Variants in IDO2 observed in about 807,000 individuals in gnomAD.
The protein encoded by IDO2 is indoleamine 2,3-dioxygenase-like 1 protein.
In IDO2, 46 loss-of-function variants were observed where a neutral mutation model predicts 45.1. The observed-to-expected ratio is 1.02, with a 90% confidence interval of 0.80 to 1.30. The LOEUF (loss-of-function observed/expected upper bound fraction) is 1.30. Among genes scored for constraint, IDO2 ranks in the 50% most tolerant of loss-of-function variants. The pLI is 0.00. For missense variants in IDO2, 544 were observed against 491.8 expected (o/e 1.11, Z -1.00); for synonymous variants, 218 against 184.9 (o/e 1.18, Z -1.45).
At chr8:39,953,405 A>G (rs1177048331) in intron 2 of IDO2, among the ~76,000 whole-genome samples, 1 of 152,274 alleles carries the variant, frequency 6.6e-6, no homozygotes, top group East Asian at 1.9e-4. Context: ...AATTGACCTC[A>G]GTACTTGAAA....
At chr8:39,939,383 C>A (rs1807608224) in intron 1 of IDO2, among the ~76,000 whole-genome samples, 1 of 151,186 alleles carries the variant, frequency 6.6e-6, no homozygotes, top group African/African-American at 2.4e-5. Flanking sequence ...CCTGTCTCTA[C>A]TAAAACCACA....
At chr8:40,008,306 A>G (rs985441126) in intron 9 of IDO2, among the ~76,000 whole-genome samples, 1 of 152,112 alleles carries the variant, frequency 6.6e-6, no homozygotes, top group Admixed American at 6.5e-5. Flanking sequence ...TCAGCCTCCC[A>G]AAGTGCTGAG....
rs749640983 is a variant in IDO2, at chr8:39,949,131, G to A, written c.-17-18G>A. The A allele has an allele frequency of 1.3e-6, 2 of 1,583,706 alleles. No homozygotes were observed. Among genetic ancestry groups the A allele is most frequent in the African/African-American group, 1.3e-5 (1 of 74,410 alleles). ...TTTATTAGGAACAATTGATTCTTCA[G>A]TGACACTTTCCATGCAGATACTTCA... On this transcript the variant is annotated intron_variant, in intron 1 of 10. Transcript: ENST00000502986.
chr8:39,954,175 C>T (rs1306412392), intron 2 of IDO2, among the ~76,000 whole-genome samples: 1 of 152,206 alleles, frequency 6.6e-6, no homozygotes, highest in Non-Finnish European at 1.5e-5. Flanking sequence ...CTCTCCACTC[C>T]TAGACATTAT....
intron 8 of IDO2, among the ~76,000 whole-genome samples, chr8:40,004,408 ATAGG>A (rs1428805865): frequency 6.6e-6 from 1 of 152,192 alleles, no homozygotes; most frequent in Non-Finnish European, 1.5e-5. Flanking sequence ...AAATAGGTAG[ATAGG>A]TAGATAGATG....
intron 5 of IDO2, chr8:39,985,231 A>C (rs1004545522): frequency 2.1e-6 from 1 of 484,818 alleles, no homozygotes; most frequent in East Asian, 3.6e-5. Context: ...GCCCAGCCTA[A>C]TAATATATTA....
exon 11 of IDO2, chr8:40,015,257 G>A (rs757782327): frequency 6.3e-7 from 1 of 1,599,864 alleles, no homozygotes; most frequent in Non-Finnish European, 8.5e-7. Context: ...GTGACTTTCT[G>A]TACAGAATGA....
At chr8:39,963,533 T>C (rs987117281) in intron 2 of IDO2, 75 bp from the exon 3 acceptor site, 22 of 801,512 alleles carry the variant, frequency 2.7e-5, no homozygotes, top group Non-Finnish European at 3.8e-5. Flanking sequence ...AAGACTGAAA[T>C]GTGAAAATAG....
At chr8:39,952,912 G>C (rs771059130) in intron 2 of IDO2, among the ~76,000 whole-genome samples, 16 of 152,040 alleles carry the variant, frequency 1.1e-4, no homozygotes, top group Admixed American at 3.9e-4. Context: ...GGGATTACAG[G>C]CATGAGCCAC....
At chr8:39,947,745 T>C (rs571290768) in intron 1 of IDO2, among the ~76,000 whole-genome samples, 11 of 151,986 alleles carry the variant, frequency 7.2e-5, no homozygotes, top group Admixed American at 5.3e-4. Flanking sequence ...GAAGTAAAAA[T>C]GGCCTTACTA....
chr8:39,989,930 G>C lies in IDO2; in HGVS notation c.667+92G>C, dbSNP rs544086626. 27 of 735,610 alleles carry C rather than the reference G, an allele frequency of 3.7e-5. No individual in the cohort carries two copies. In the East Asian group the frequency reaches 6.9e-4, roughly 19 times the overall value. The allele number at this position is 735,610 out of a possible 1,614,324, so 45.6% of individuals were successfully genotyped here. On this transcript the variant is annotated intron_variant, in intron 8 of 10. Coordinates refer to ENST00000502986, the Ensembl canonical transcript of IDO2. ...CCTGGGGACCAGGCATGTCCTGAAG[G>C]GGGTGATAATACATTCATCCACCAG...
chr8:39,972,481 G>C (rs995359016), intron 3 of IDO2, among the ~76,000 whole-genome samples: 2 of 151,796 alleles, frequency 1.3e-5, no homozygotes, highest in Admixed American at 6.6e-5. Context: ...ATGGTGGCAG[G>C]CTCCTGTGAT....
At chr8:39,988,701 G>T (rs924023112) in intron 7 of IDO2, among the ~76,000 whole-genome samples, 4 of 152,144 alleles carry the variant, frequency 2.6e-5, no homozygotes, top group African/African-American at 9.7e-5. Flanking sequence ...ACAGGTGTGA[G>T]CCACCCTGCC....
In IDO2 at chr8:39,997,951, T is replaced by A. The variant is rs949279760; in HGVS notation, c.668-7376T>A. 15 of 223,352 alleles carry A rather than the reference T, an allele frequency of 6.7e-5. No individual in the cohort carries two copies. In the South Asian group the frequency reaches 1.0e-3, roughly 15 times the overall value. 13.8% of individuals were successfully genotyped at this position (223,352 alleles called of 1,614,324 possible). ...ATTTGTTGCTGCCCAGCAGCAGGTA[T>A]GAAGCCGGCTGGTGACTGGCTAGCA... On this transcript the variant is annotated intron_variant, in intron 8 of 10. Transcript: ENST00000502986.
intron 3 of IDO2, among the ~76,000 whole-genome samples, chr8:39,975,331 C>G (rs1291175044): frequency 6.6e-6 from 1 of 151,744 alleles, no homozygotes; most frequent in Non-Finnish European, 1.5e-5. Context: ...CTCTGTTCAT[C>G]AAAACAGGCC....
intron 3 of IDO2, among the ~76,000 whole-genome samples, chr8:39,974,892 GCCTGGTGA>G (rs1332643670): frequency 1.3e-5 from 2 of 152,052 alleles, no homozygotes; most frequent in Non-Finnish European, 1.5e-5. Flanking sequence ...CGGCACTCCA[GCCTGGTGA>G]CCTGGTGACA....
chr8:39,945,022 T>TA (rs1807709061), intron 1 of IDO2, among the ~76,000 whole-genome samples: 2 of 152,228 alleles, frequency 1.3e-5, no homozygotes, highest in African/African-American at 4.8e-5. Flanking sequence ...CTGCTAATAA[T>TA]TAATAGAGTG....
chr8:39,987,925 A>G lies in IDO2; in HGVS notation c.504A>G (p.Ile168Met). The G allele has an allele frequency of 6.2e-7, 1 of 1,611,830 alleles. No individual in the cohort carries two copies. Among genetic ancestry groups the G allele is most frequent in the Non-Finnish European group, 8.5e-7 (1 of 1,178,934 alleles). The change falls in exon 7 of 11, where the codon ATA becomes ATG. Residue 168 changes from isoleucine to methionine, a missense_variant. Ile to Met is a conservative substitution (Grantham distance 10). Transcript: ENST00000502986. ...GGGGAGAGAGCCTGCATGGTTTTAT[A>G]CTGGTGACTGCTTTGGTAGAGAAAG... is the stretch of plus-strand genomic sequence containing the variant.
chr8:40,010,869 G>A (rs1023002557), intron 9 of IDO2, among the ~76,000 whole-genome samples: 17 of 152,170 alleles, frequency 1.1e-4, no homozygotes, highest in African/African-American at 4.1e-4. Flanking sequence ...CTAGCTATCA[G>A]TGTAAATAGC....
Sources: allele counts gnomAD v4.1 joint callset (sites outside exome capture counted in the v4.1 genomes callset), GRCh38; gene constraint gnomAD v4.1.1; transcripts MANE v1.5; gene names NCBI Gene and HGNC (gene_info 2026-07-23, HGNC 2026-07-21).